MYO3A: variants seen among roughly 807,000 people sequenced by gnomAD.
MYO3A encodes the protein myosin-IIIa.
MYO3A carries 180 observed loss-of-function variants against 192.7 expected under a neutral mutation model. The observed-to-expected ratio is 0.93, with a 90% CI of 0.83 to 1.06. The LOEUF (loss-of-function observed/expected upper bound fraction) is 1.06. MYO3A is among the 50% of genes least tolerant of loss of function. The probability of loss-of-function intolerance (pLI) is 0.00; values close to 1 mark genes in which losing one functional copy is unlikely to be tolerated. For synonymous variants in MYO3A, 628 were observed against 645.3 expected, an observed-to-expected ratio of 0.97 and a Z score of 0.41; for missense variants, 1,896 against 1,905.0, an observed-to-expected ratio of 1.00 and a Z score of 0.09.
At chr10:25,989,917 C>A (rs1588713829) in intron 4 of MYO3A, among the ~76,000 whole-genome samples, 1 of 152,110 alleles carries the variant, frequency 6.6e-6, no homozygotes, top group African/African-American at 2.4e-5. Flanking sequence ...GGATGTGTGA[C>A]AAGGCTGATG....
intron 10 of MYO3A, among the ~76,000 whole-genome samples, chr10:26,054,925 A>G (rs759178466): frequency 6.6e-6 from 1 of 152,238 alleles, no homozygotes; most frequent in Non-Finnish European, 1.5e-5. Context: ...TTATGCCACA[A>G]GATTTGTGAT....
At chr10:26,140,799 A>G (rs571689256) in intron 20 of MYO3A, among the ~76,000 whole-genome samples, 70 of 152,298 alleles carry the variant, frequency 4.6e-4, no homozygotes, top group Non-Finnish European at 9.6e-4. Context: ...ATGATTATTC[A>G]TCTATTTTCA....
chr10:26,162,987 G>A (rs548121677), intron 26 of MYO3A, among the ~76,000 whole-genome samples: 4 of 152,362 alleles, frequency 2.6e-5, no homozygotes, highest in African/African-American at 9.6e-5. Context: ...GAAAGGGCGC[G>A]CAAGCGTAGT....
chr10:26,017,036 G>A (rs1330235037), intron 7 of MYO3A, 140 bp downstream of exon 7: 11 of 942,048 alleles, frequency 1.2e-5, no homozygotes, highest in South Asian at 4.2e-5. Context: ...TGAGAATTTT[G>A]CATGTGTGAG....
intron 10 of MYO3A, among the ~76,000 whole-genome samples, chr10:26,054,736 TG>T (rs377346125): frequency 1.2e-3 from 183 of 152,272 alleles, no homozygotes; most frequent in African/African-American, 4.4e-3. Context: ...GCTGTTAAAT[TG>T]ATGCAGCCAT....
chr10:26,127,070 G>A (rs865882821), intron 19 of MYO3A, among the ~76,000 whole-genome samples: 1 of 152,108 alleles, frequency 6.6e-6, no homozygotes, highest in East Asian at 1.9e-4. Flanking sequence ...TTAAATAGGG[G>A]CATTGAATGA....
chr10:26,116,237 G>T (rs974956655), intron 17 of MYO3A, among the ~76,000 whole-genome samples: 2 of 152,192 alleles, frequency 1.3e-5, no homozygotes, highest in East Asian at 1.9e-4. Context: ...TCTCCTGAGG[G>T]TTGTGAGGCA....
rs11014915 is a variant in MYO3A at position 26,021,727 on chromosome 10, A to G, written c.731+79A>G. 4.9e-3 allele frequency: 7,692 copies of G among 1,558,740 alleles called. 337 individuals are homozygous for G. The African/African-American group carries it at 0.088, about 18-fold the overall frequency. On this transcript the variant is annotated intron_variant, in intron 8 of 34. Transcript: ENST00000642920. ...CCACCAAGTGTTCATCATGCTCTTC[A>G]TGGAGACGTTCAGATATATTCCAAC...
intron 10 of MYO3A, among the ~76,000 whole-genome samples, chr10:26,034,527 C>T (rs1842939553): frequency 6.6e-6 from 1 of 152,114 alleles, no homozygotes. Flanking sequence ...CAGGAGAGCA[C>T]CGTTCTGAAA....
At chr10:26,103,943 GT>G (rs1837630014) in intron 17 of MYO3A, among the ~76,000 whole-genome samples, 1 of 152,060 alleles carries the variant, frequency 6.6e-6, no homozygotes, top group Non-Finnish European at 1.5e-5. Context: ...ATAACTTATG[GT>G]GCTGAACTTC....
At chr10:26,120,205 A>G (rs1307068853) in intron 17 of MYO3A, among the ~76,000 whole-genome samples, 2 of 151,988 alleles carry the variant, frequency 1.3e-5, no homozygotes, top group Non-Finnish European at 2.9e-5. Flanking sequence ...TAAACGACAC[A>G]TATCCTTTGA....
At chr10:26,083,016 A>G (rs1836067990) in intron 14 of MYO3A, among the ~76,000 whole-genome samples, 1 of 152,166 alleles carries the variant, frequency 6.6e-6, no homozygotes, top group Admixed American at 6.5e-5. Context: ...CTTCTTCACA[A>G]TTTCACAGAT....
intron 34 of MYO3A, among the ~76,000 whole-genome samples, chr10:26,208,513 G>T (rs190052960): frequency 6.6e-6 from 1 of 152,312 alleles, no homozygotes; most frequent in Admixed American, 6.5e-5. Context: ...CTAAGGCTTT[G>T]CAGTGTTGTC....
intron 17 of MYO3A, among the ~76,000 whole-genome samples, chr10:26,106,829 A>G (rs199869887): frequency 1.5e-4 from 23 of 152,292 alleles, no homozygotes; most frequent in African/African-American, 5.5e-4. Flanking sequence ...TAAACCCAAT[A>G]GAGTCCATCT....
chr10:26,068,038 C>T (rs1339273706), intron 11 of MYO3A, among the ~76,000 whole-genome samples: 1 of 152,166 alleles, frequency 6.6e-6, no homozygotes, highest in Non-Finnish European at 1.5e-5. Context: ...CAGCACCTTT[C>T]TGAATTCTTA....
intron 31 of MYO3A, among the ~76,000 whole-genome samples, chr10:26,177,975 G>A (rs1842413800): frequency 6.6e-6 from 1 of 152,190 alleles, no homozygotes; most frequent in South Asian, 2.1e-4. Context: ...TGGCTCTTTG[G>A]TGCCCTTCAT....
chr10:26,206,303 C>A (rs576118790), intron 34 of MYO3A, among the ~76,000 whole-genome samples: 7 of 145,158 alleles, frequency 4.8e-5, no homozygotes, highest in African/African-American at 1.5e-4. Flanking sequence ...TCAAGTGATC[C>A]ATCCGCCTCG....
At chr10:26,187,373 G>C (rs577814600) in intron 31 of MYO3A, among the ~76,000 whole-genome samples, 273 of 152,288 alleles carry the variant, frequency 1.8e-3, no homozygotes, top group African/African-American at 6.4e-3. Context: ...CTTTCTCACA[G>C]TTCTGGAGGC....
At chr10:26,173,144 A>C (rs943777780) in intron 29 of MYO3A, among the ~76,000 whole-genome samples, 5 of 152,086 alleles carry the variant, frequency 3.3e-5, no homozygotes, top group African/African-American at 1.2e-4. Context: ...CAACTGTGAA[A>C]TTTTGGCCAC....
Sources: gnomAD v4.1 joint callset for allele counts (sites outside exome capture counted in the v4.1 genomes callset) on GRCh38, gnomAD v4.1.1 for gene constraint, MANE v1.5 for transcripts, NCBI Gene and HGNC (gene_info 2026-07-23, HGNC 2026-07-21) for gene names.